Variants in CD302 observed in about 807,000 individuals in gnomAD.
CD302 encodes CD302 molecule.
In CD302, 23 loss-of-function variants were observed where a neutral mutation model predicts 26.5. That is an observed-to-expected ratio of 0.87 (90% CI 0.62 to 1.23). The LOEUF is 1.23. CD302 is among the 50% of genes most tolerant of loss of function. The pLI is 0.00. For synonymous variants in CD302, 90 were observed against 99.4 expected, an observed-to-expected ratio of 0.91 and a Z score of 0.56; for missense variants, 290 against 275.5, an observed-to-expected ratio of 1.05 and a Z score of -0.37.
At chr2:159,793,405 A>G (rs988016606) in intron 1 of CD302, among the ~76,000 whole-genome samples, 82 of 152,074 alleles carry the variant, frequency 5.4e-4, no homozygotes, top group African/African-American at 2.0e-3. Context: ...CTGTTCCTTT[A>G]TAAGTTCTCT....
rs1400308514 is a variant in CD302 at position 159,783,432 on chromosome 2, A to G, written c.105T>C (p.Ser35=). ...PSSTWIQFQD[S]CYIFLQEAIK... ...TGGCTTCTTGGAGAAAAATGTAACA[A>G]CTGTCTTGGAACTGAATCCAAGTAG... is the stretch of plus-strand genomic sequence containing the variant. Residue 35 remains serine (S), a synonymous_variant, in exon 2 of 6, where the codon AGT becomes AGC. Coordinates refer to ENST00000259053, the MANE Select transcript of CD302 (RefSeq NM_014880.5). The G allele has an allele frequency of 6.2e-7, 1 of 1,612,394 alleles. No homozygotes were observed. Among genetic ancestry groups the G allele is most frequent in the Non-Finnish European group, 8.5e-7 (1 of 1,179,540 alleles).
At chr2:159,794,306 A>AAAATAAT (rs1560052350) in intron 1 of CD302, among the ~76,000 whole-genome samples, 21 of 8,948 alleles carry the variant, frequency 2.3e-3, no homozygotes, top group Admixed American at 5.7e-3. Flanking sequence ...ATAAAATAAT[A>AAAATAAT]AAAAAAAAAA....
intron 1 of CD302, among the ~76,000 whole-genome samples, chr2:159,789,241 A>G (rs953588210): frequency 4.6e-5 from 7 of 151,986 alleles, no homozygotes; most frequent in African/African-American, 1.5e-4. Flanking sequence ...GTCTCAAGCA[A>G]TCCTCCTACC....
intron 1 of CD302, among the ~76,000 whole-genome samples, chr2:159,789,093 T>C (rs142473454): frequency 4.3e-4 from 66 of 152,156 alleles, no homozygotes; most frequent in Non-Finnish European, 8.1e-4. Context: ...TCATAGCTCA[T>C]TGCAGCCTTG....
chr2:159,793,826 A>C (rs895852693), intron 1 of CD302, among the ~76,000 whole-genome samples: 2 of 152,024 alleles, frequency 1.3e-5, no homozygotes, highest in African/African-American at 4.8e-5. Context: ...ATCCATCTCC[A>C]TATTGTCCCA....
At position 159,780,911 on chromosome 2, in the gene CD302, A is replaced by G. The variant is rs1301104776; in HGVS notation, c.266T>C (p.Ile89Thr). ...LKKQWKGPDD[I>T]LLGMFYDTDD... ...TGTGTCATAAAACATGCCTAGTAGG[A>G]TATCATCTGGGCCTTTCCATTGCTT... Residue 89 changes from isoleucine to threonine, a missense_variant, in exon 3 of 6, where the codon ATC (isoleucine) becomes ACC (threonine). Ile to Thr is a moderately conservative substitution (Grantham distance 89). Coordinates refer to ENST00000259053, the MANE Select transcript of CD302 (RefSeq NM_014880.5). 4 of 1,613,216 alleles carry G rather than the reference A, an allele frequency of 2.5e-6. No individual in the cohort carries two copies. Among genetic ancestry groups the G allele is most frequent in the Admixed American group, 1.7e-5 (1 of 59,888 alleles).
chr2:159,795,791 C>T (rs1708939711), intron 1 of CD302, among the ~76,000 whole-genome samples: 1 of 152,168 alleles, frequency 6.6e-6, no homozygotes, highest in South Asian at 2.1e-4. Context: ...AAGGCAGAGG[C>T]ACCTCATCTA....
At position 159,770,898 on chromosome 2, in the gene CD302, T is replaced by C. The variant is rs556656771; in HGVS notation, c.*953A>G. 5 of 152,306 alleles carry C rather than the reference T, an allele frequency of 3.3e-5. No homozygotes were observed. The South Asian group carries it at 1.0e-3, about 32-fold the overall frequency. 9.4% of individuals were successfully genotyped at this position (152,306 alleles called of 1,614,324 possible). A position where few individuals can be genotyped will look rare whatever the true frequency, so the allele number is the denominator to read the frequency against. ...GTGAAATTTATACATTCTTTATCTT[T>C]CCTGTTTTTGGTTTATTGATGGTGA... On this transcript the variant is annotated 3_prime_UTR_variant, in exon 6 of 6. Coordinates refer to ENST00000259053, the MANE Select transcript of CD302 (RefSeq NM_014880.5).
intron 1 of CD302, among the ~76,000 whole-genome samples, chr2:159,786,989 G>A (rs896059299): frequency 1.3e-5 from 2 of 152,124 alleles, no homozygotes; most frequent in African/African-American, 4.8e-5. Context: ...ACTCTTTTGT[G>A]TCTGGCTTCT....
At position 159,780,987 on chromosome 2, in the gene CD302, T is replaced by C; in HGVS notation, c.190A>G (p.Ile64Val). 1 of 1,605,728 alleles carries C rather than the reference T, an allele frequency of 6.2e-7. No individual in the cohort carries two copies. ...TTTTCTTCTTCATTATGTATGCTTA[T>C]CATGTCCGCTCCTGAAATTATTTTA... Reference protein sequence around the residue: ...NQCTDHGADMISIHNEEENAF... With the variant: ...NQCTDHGADMVSIHNEEENAF... The change falls in exon 3 of 6, where the codon ATA becomes GTA. Residue 64 changes from isoleucine (I) to valine (V), a missense_variant. Physicochemically the swap from Ile to Val is conservative, Grantham distance 29. Coordinates refer to ENST00000259053, the MANE Select transcript of CD302 (RefSeq NM_014880.5).
At chr2:159,790,213 G>A (rs915868559) in intron 1 of CD302, among the ~76,000 whole-genome samples, 2 of 152,072 alleles carry the variant, frequency 1.3e-5, no homozygotes, top group African/African-American at 2.4e-5. Flanking sequence ...TGGAAGAGTC[G>A]GACAGACAAA....
At position 159,779,988 on chromosome 2, in the gene CD302, C is replaced by T. The variant is rs373973657; in HGVS notation, c.469+17G>A. 40 of 1,604,280 alleles carry T rather than the reference C, an allele frequency of 2.5e-5. No homozygotes were observed. Among genetic ancestry groups the T allele is most frequent in the Non-Finnish European group, 3.2e-5 (38 of 1,175,066 alleles). ...CTGCCCCTTCTAGAATGGAAAAACA[C>T]CTTCGGTCATACTTACTAGCTGTTT... On this transcript the variant is annotated intron_variant, in intron 4 of 5. Transcript: ENST00000259053.
intron 1 of CD302, among the ~76,000 whole-genome samples, chr2:159,787,125 T>C (rs1460497500): frequency 2.6e-5 from 4 of 152,268 alleles, no homozygotes; most frequent in Admixed American, 2.6e-4. Flanking sequence ...TTAAACATTC[T>C]ATGCATACTT....
rs1553796276 is a variant in CD302 at position 159,797,224 on chromosome 2, G to GGA, written c.67+907_67+908insTC. Among the ~76,000 whole-genome samples the GGA allele has an allele frequency of 4.5e-4, 60 of 133,142 alleles. 1 individual carries two copies. Among genetic ancestry groups the GGA allele is most frequent in the South Asian group, 2.0e-3 (7 of 3,488 alleles). The allele number at this position is 133,142 out of a possible 152,430, so 87.3% of individuals were successfully genotyped here. A position where few individuals can be genotyped will look rare whatever the true frequency, so the allele number is the denominator to read the frequency against. ...GCAGTGAAATCTGGGGCAAGGGGTG[G>GGA]GGGGGGGGAATCTCTTGCATTTTAT... On this transcript the variant is annotated intron_variant, in intron 1 of 5. Coordinates refer to ENST00000259053, the MANE Select transcript of CD302 (RefSeq NM_014880.5).
chr2:159,784,697 A>G (rs1016409129), intron 1 of CD302, among the ~76,000 whole-genome samples: 6 of 152,116 alleles, frequency 3.9e-5, no homozygotes, highest in Admixed American at 2.0e-4. Flanking sequence ...AGTAGAAGCA[A>G]GCCCTACCAC....
rs2125787670 is a variant in CD302 at position 159,771,067 on chromosome 2, GCA to G, written c.*782_*783del. On this transcript the variant is annotated 3_prime_UTR_variant, in exon 6 of 6. Coordinates refer to ENST00000259053, the MANE Select transcript of CD302 (RefSeq NM_014880.5). ...AAGTGTTTTTCTTCGGTTTTTGCTT[GCA>G]CAGTTTTCATGTCATTGAAGGAAAA... is the stretch of plus-strand genomic sequence containing the variant. The G allele has an allele frequency of 1.3e-5, 2 of 152,180 alleles. No homozygotes were observed. The highest frequency in any genetic ancestry group is 4.1e-4 in the South Asian group (2 of 4,828). 9.4% of individuals were successfully genotyped at this position (152,180 alleles called of 1,614,324 possible).
intron 5 of CD302, among the ~76,000 whole-genome samples, chr2:159,773,622 G>C (rs1708221685): frequency 6.6e-6 from 1 of 152,200 alleles, no homozygotes; most frequent in Non-Finnish European, 1.5e-5. Flanking sequence ...TTCTGCAAGT[G>C]ACCTTTAGCC....
chr2:159,775,967 G>A (rs1319397414), intron 5 of CD302, among the ~76,000 whole-genome samples: 4 of 147,330 alleles, frequency 2.7e-5, no homozygotes, highest in African/African-American at 5.0e-5. Flanking sequence ...CTGGAGTGCA[G>A]TGGAGTGATC....
At chr2:159,778,033 T>C (rs1708390594) in intron 4 of CD302, 69 bp from the exon 5 acceptor site, 2 of 606,140 alleles carry the variant, frequency 3.3e-6, no homozygotes, top group Non-Finnish European at 5.0e-6. Flanking sequence ...TTTAAACATG[T>C]TCACAATCAT....
Sources: allele counts gnomAD v4.1 joint callset (sites outside exome capture counted in the v4.1 genomes callset), GRCh38; gene constraint gnomAD v4.1.1; transcripts MANE v1.5; gene names NCBI Gene and HGNC (gene_info 2026-07-23, HGNC 2026-07-21).